ZNF530: variants seen among roughly 807,000 people sequenced by gnomAD.
ZNF530 encodes the protein zinc finger protein 530.
A neutral mutation model predicts 2.8 loss-of-function variants in ZNF530; 5 were observed. That is an observed-to-expected ratio of 1.80 (90% CI 0.94 to 3.78). The LOEUF is 3.78. Among genes scored for constraint, ZNF530 ranks in the 30% most tolerant of loss-of-function variants. The pLI is 0.00. For missense variants in ZNF530, 619 were observed against 673.3 expected (o/e 0.92, Z 0.89); for synonymous variants, 229 against 235.0 (o/e 0.97, Z 0.23).
At chr19:57,602,396 G>A (rs1474780005) in intron 2 of ZNF530, among the ~76,000 whole-genome samples, 3 of 152,142 alleles carry the variant, frequency 2.0e-5, no homozygotes, top group African/African-American at 7.2e-5. Flanking sequence ...TTGTGTTAGT[G>A]CTTCAATGTA....
chr19:57,607,643 C>T lies in ZNF530; in HGVS notation c.*318C>T. 3.6e-6 allele frequency: 1 copy of T among 277,858 alleles called. No individual in the cohort carries two copies. The highest frequency in any genetic ancestry group is 7.5e-5 in the East Asian group (1 of 13,260). 17.2% of individuals were successfully genotyped at this position (277,858 alleles called of 1,614,324 possible). A position where few individuals can be genotyped will look rare whatever the true frequency, so the allele number is the denominator to read the frequency against. On this transcript the variant is annotated 3_prime_UTR_variant, in exon 4 of 4. Coordinates refer to ENST00000597700, the MANE Select transcript of ZNF530 (RefSeq NM_001321981.2). ...TACAGGCGTGAGCCACCATGTCCGG[C>T]TTGTGTTGTGACATTTAACACAAGA...
Position 57,607,295 on chromosome 19 carries a change from C to T in ZNF530, c.1671C>T (p.Leu557=). ...CGKSFSQSSG[L]LRHRRVHVQ ...AATCCTTTAGCCAAAGCTCTGGCCTCTTAAGACACAGAAGAGTTCATGTGC... is the reference window on the plus strand; with the variant it reads ...AATCCTTTAGCCAAAGCTCTGGCCTTTTAAGACACAGAAGAGTTCATGTGC... The change falls in exon 4 of 4, where the codon CTC becomes CTT. Residue 557 remains leucine (L), a synonymous_variant. Transcript: ENST00000597700. 7 of 1,611,770 alleles carry T rather than the reference C, an allele frequency of 4.3e-6. No individual in the cohort carries two copies. Among genetic ancestry groups the T allele is most frequent in the Non-Finnish European group, 5.1e-6 (6 of 1,178,956 alleles).
chr19:57,610,910 A>G (rs550411658), downstream of ZNF530, among the ~76,000 whole-genome samples: 1 of 152,118 alleles, frequency 6.6e-6, no homozygotes, highest in East Asian at 1.9e-4. Flanking sequence ...CCACCCTCTC[A>G]TTAAGGAAGC....
downstream of ZNF530, among the ~76,000 whole-genome samples, chr19:57,611,422 G>A (rs572453145): frequency 2.0e-5 from 3 of 152,172 alleles, no homozygotes; most frequent in East Asian, 1.9e-4. Context: ...TCCTTCCTTC[G>A]GTAGGCTGTT....
intron 3 of ZNF530, chr19:57,604,628 T>G: frequency 2.2e-6 from 1 of 454,384 alleles, no homozygotes; most frequent in Non-Finnish European, 3.8e-6. Context: ...GACAGGATCT[T>G]TCTTTCAACC....
At chr19:57,602,339 A>G (rs1388941739) in intron 2 of ZNF530, among the ~76,000 whole-genome samples, 1 of 152,072 alleles carries the variant, frequency 6.6e-6, no homozygotes, top group African/African-American at 2.4e-5. Context: ...TCTAATTACC[A>G]CCCAAAGATT....
In ZNF530 at chr19:57,608,788, C is replaced by T. The variant is rs73573445; in HGVS notation, c.*1463C>T. ...CTGCAGCAAATTAGATGGACTGTTC[C>T]TCATATAAAGTTTCATCCGGCCGGG... On this transcript the variant is annotated 3_prime_UTR_variant, in exon 4 of 4. Coordinates refer to ENST00000597700, the MANE Select transcript of ZNF530 (RefSeq NM_001321981.2). 2,920 of 152,172 alleles carry T rather than the reference C, an allele frequency of 0.019. 104 individuals carry two copies. The highest frequency in any genetic ancestry group is 0.065 in the African/African-American group (2,709 of 41,472). 9.4% of individuals were successfully genotyped at this position (152,172 alleles called of 1,614,324 possible). A position where few individuals can be genotyped will look rare whatever the true frequency, so the allele number is the denominator to read the frequency against.
rs77900353 is a variant in ZNF530 at position 57,603,538 on chromosome 19, G to T, written c.-69-739G>T. Among the ~76,000 whole-genome samples the T allele has an allele frequency of 3.9e-3, 599 of 152,298 alleles. 10 individuals carry two copies. The highest frequency in any genetic ancestry group is 0.014 in the African/African-American group (582 of 41,558). On this transcript the variant is annotated intron_variant, in intron 2 of 3. Transcript: ENST00000597700. ...AGCATCACTTAACCTTGGGTGGAGG[G>T]CCACCAGGCAAGGTTTTGAATGAAG... is the stretch of plus-strand genomic sequence containing the variant.
intron 2 of ZNF530, among the ~76,000 whole-genome samples, chr19:57,601,392 A>G (rs892219397): frequency 6.6e-6 from 1 of 152,190 alleles, no homozygotes; most frequent in African/African-American, 2.4e-5. Context: ...ACTGAGAGAT[A>G]AGAAGGGGTG....
At position 57,607,321 on chromosome 19, in the gene ZNF530, A is replaced by G; in HGVS notation, c.1697A>G (p.Gln566Arg). The G allele has an allele frequency of 6.4e-7, 1 of 1,572,288 alleles. No homozygotes were observed. Among genetic ancestry groups the G allele is most frequent in the Middle Eastern group, 1.7e-4 (1 of 5,838 alleles). The change falls in exon 4 of 4, where the codon CAG (glutamine) becomes CGG (arginine). Residue 566 changes from glutamine (Q) to arginine (R), a missense_variant. Gln to Arg is a conservative substitution (Grantham distance 43). Transcript: ENST00000597700. ...GLLRHRRVHV[Q>R] Reference sequence around the variant, plus strand: ...TTAAGACACAGAAGAGTTCATGTGCAGTGAATGTGGGAAATTATTTTGTCA... The same window carrying G: ...TTAAGACACAGAAGAGTTCATGTGCGGTGAATGTGGGAAATTATTTTGTCA...
intron 1 of ZNF530, among the ~76,000 whole-genome samples, chr19:57,600,338 G>C (rs1181367486): frequency 6.6e-6 from 1 of 152,226 alleles, no homozygotes; most frequent in Admixed American, 6.5e-5. Flanking sequence ...CGCCTGAGCC[G>C]GGAGGCTGGG....
chr19:57,600,027 C>T lies in ZNF530; in HGVS notation c.-229C>T, dbSNP rs982408826. ...AGCTGCACAGCCGGGGCCTGACGGT[C>T]GCCGGCGGTGGTGACAGCTTTGCTC... is the stretch of plus-strand genomic sequence containing the variant. On this transcript the variant is annotated 5_prime_UTR_variant, in exon 1 of 4. Transcript: ENST00000597700. 133 of 1,441,856 alleles carry T rather than the reference C, an allele frequency of 9.2e-5. No individual in the cohort carries two copies. The highest frequency in any genetic ancestry group is 1.2e-4 in the Non-Finnish European group (129 of 1,074,920). The allele number at this position is 1,441,856 out of a possible 1,614,324, so 89.3% of individuals were successfully genotyped here. A position where few individuals can be genotyped will look rare whatever the true frequency, so the allele number is the denominator to read the frequency against.
chr19:57,605,777 T>TA lies in ZNF530; in HGVS notation c.154dup (p.Thr52AsnfsTer4), dbSNP rs1284054198. 1.9e-6 allele frequency: 3 copies of TA among 1,614,062 alleles called. No homozygotes were observed. The highest frequency in any genetic ancestry group is 2.5e-6 in the Non-Finnish European group (3 of 1,180,046). ...CACAGGGCAGGACTCCAAAGGCAGATACATCCACTGATAAGAGTCACCCCT... is the reference window on the plus strand; with the variant it reads ...CACAGGGCAGGACTCCAAAGGCAGATAACATCCACTGATAAGAGTCACCCCT... On this transcript the variant is annotated frameshift_variant, in exon 4 of 4. Transcript: ENST00000597700. LOFTEE classifies it low-confidence loss of function (END_TRUNC).
At chr19:57,611,611 G>A (rs1256015522), downstream of ZNF530, among the ~76,000 whole-genome samples, 2 of 152,118 alleles carry the variant, frequency 1.3e-5, no homozygotes, top group Non-Finnish European at 2.9e-5. Flanking sequence ...GTGCATGCTC[G>A]AAACCTTATC....
rs1980195825 is a variant in ZNF530, at chr19:57,600,758, A to C, written c.-91A>C. 1 of 152,274 alleles carries C rather than the reference A, an allele frequency of 6.6e-6. No homozygotes were observed. Among genetic ancestry groups the C allele is most frequent in the Non-Finnish European group, 1.5e-5 (1 of 68,072 alleles). 9.4% of individuals were successfully genotyped at this position (152,274 alleles called of 1,614,324 possible). ...CACTAGTACTTACAGGTCCGTAAGA[A>C]GCACTTGAAGACCCTACAAGGGTAA... On this transcript the variant is annotated 5_prime_UTR_variant, in exon 2 of 4. Transcript: ENST00000597700.
chr19:57,606,366 C>T lies in ZNF530; in HGVS notation c.742C>T (p.His248Tyr), dbSNP rs377140495. The change falls in exon 4 of 4, where the codon CAC becomes TAC. Residue 248 changes from histidine (H) to tyrosine (Y), a missense_variant. Physicochemically the swap from His to Tyr is moderately conservative, Grantham distance 83. Transcript: ENST00000597700. Reference protein sequence around the residue: ...ECGKSFSRKTHLTQHQRVHTG... With the variant: ...ECGKSFSRKTYLTQHQRVHTG... ...TGGGAAATCATTTAGTCGCAAAACTCACCTAACTCAACACCAAAGAGTTCA... is the reference window on the plus strand; with the variant it reads ...TGGGAAATCATTTAGTCGCAAAACTTACCTAACTCAACACCAAAGAGTTCA... 1 of 1,613,602 alleles carries T rather than the reference C, an allele frequency of 6.2e-7. No individual in the cohort carries two copies. Among genetic ancestry groups the T allele is most frequent in the Non-Finnish European group, 8.5e-7 (1 of 1,179,752 alleles).
At position 57,607,363 on chromosome 19, in the gene ZNF530, T is replaced by C. The variant is rs1980639052; in HGVS notation, c.*38T>C. ...ATTTTGTCACTTTTTTTTTTTTTTTTGAGATGGAATTTTGCTCGTCACCCA... is the reference window on the plus strand; with the variant it reads ...ATTTTGTCACTTTTTTTTTTTTTTTCGAGATGGAATTTTGCTCGTCACCCA... On this transcript the variant is annotated 3_prime_UTR_variant, in exon 4 of 4. Transcript: ENST00000597700. The C allele has an allele frequency of 4.7e-6, 5 of 1,071,188 alleles. No homozygotes were observed. The East Asian group carries it at 1.2e-4, about 27-fold the overall frequency. 66.4% of individuals were successfully genotyped at this position (1,071,188 alleles called of 1,614,324 possible). A position where few individuals can be genotyped will look rare whatever the true frequency, so the allele number is the denominator to read the frequency against.
chr19:57,611,449 C>T (rs1406919821), downstream of ZNF530, among the ~76,000 whole-genome samples: 1 of 151,526 alleles, frequency 6.6e-6, no homozygotes, highest in Non-Finnish European at 1.5e-5. Context: ...CTACTGCATG[C>T]ACAGTGGTCT....
rs193202079 is a variant in ZNF530 at position 57,605,982 on chromosome 19, G to A, written c.358G>A (p.Ala120Thr). Residue 120 changes from alanine to threonine, a missense_variant, in exon 4 of 4, where the codon GCC becomes ACC. Physicochemically the swap from Ala to Thr is moderately conservative, Grantham distance 58. Coordinates refer to ENST00000597700, the MANE Select transcript of ZNF530 (RefSeq NM_001321981.2). ...EKLFKVDGDQ[A>T]SFMMNCRFHV... ...GCTCTTTAAAGTGGATGGGGACCAGGCCTCATTTATGATGAACTGCAGGTT... is the reference window on the plus strand; with the variant it reads ...GCTCTTTAAAGTGGATGGGGACCAGACCTCATTTATGATGAACTGCAGGTT... 6.2e-7 allele frequency: 1 copy of A among 1,614,190 alleles called. No homozygotes were observed. The highest frequency in any genetic ancestry group is 1.3e-5 in the African/African-American group (1 of 75,042).
Sources: gnomAD v4.1 joint callset for allele counts (sites outside exome capture counted in the v4.1 genomes callset) on GRCh38, gnomAD v4.1.1 for gene constraint, MANE v1.5 for transcripts, NCBI Gene and HGNC (gene_info 2026-07-23, HGNC 2026-07-21) for gene names.